DAPK1: variants seen among roughly 807,000 people sequenced by gnomAD.
DAPK1 encodes the protein death associated protein kinase 1.
In DAPK1, 56 loss-of-function variants were observed where a neutral mutation model predicts 144.9. That is an observed-to-expected ratio of 0.39 (90% CI 0.31 to 0.48). The LOEUF (loss-of-function observed/expected upper bound fraction) is 0.48. Ranked by LOEUF, DAPK1 falls within the 20% of genes least tolerant of loss-of-function variation. The pLI, the probability that DAPK1 is intolerant of heterozygous loss-of-function variation, is 0.95. For missense variants in DAPK1, 1,454 were observed against 1,875.4 expected (o/e 0.78, Z 4.15); for synonymous variants, 690 against 749.0 (o/e 0.92, Z 1.29).
intron 2 of DAPK1, among the ~76,000 whole-genome samples, chr9:87,533,871 C>T (rs1160820589): frequency 6.6e-6 from 1 of 152,182 alleles, no homozygotes; most frequent in Non-Finnish European, 1.5e-5. Context: ...CCATGTTGGC[C>T]AGGCTGGTCT....
At chr9:87,679,049 G>A (rs1371805910) in intron 19 of DAPK1, among the ~76,000 whole-genome samples, 1 of 152,092 alleles carries the variant, frequency 6.6e-6, no homozygotes, top group East Asian at 1.9e-4. Flanking sequence ...CGCCTCCCAG[G>A]ATTTAGAACT....
Position 87,686,605 on chromosome 9 carries a change from G to T in DAPK1, c.2279G>T (p.Ser760Ile), listed in dbSNP as rs768913877. The T allele has an allele frequency of 6.2e-7, 1 of 1,603,906 alleles. No individual in the cohort carries two copies. The highest frequency in any genetic ancestry group is 8.5e-7 in the Non-Finnish European group (1 of 1,174,250). ...GGCTGCGAGAACGTGAGTGTGAGGA[G>T]CCGCAGCATGATGTTCGAGCCGGGT... is the stretch of plus-strand genomic sequence containing the variant. Reference protein sequence around the residue: ...YPGCENVSVRSRSMMFEPGLT... With the variant: ...YPGCENVSVRIRSMMFEPGLT... Residue 760 changes from serine to isoleucine, a missense_variant, in exon 21 of 26, where the codon AGC becomes ATC. By Grantham distance (142) the Ser-to-Ile change is moderately radical. This residue lies in a region of DAPK1 where 1,025 missense variants were observed against 1,237.9 expected (regional missense o/e 0.83). Coordinates refer to ENST00000408954, the MANE Select transcript of DAPK1 (RefSeq NM_004938.4). This position sits in a 1 kb window ranked among gnomAD's most constrained non-coding sequence, Gnocchi z 4.2.
chr9:87,649,399 AC>A (rs1401233478), intron 15 of DAPK1, among the ~76,000 whole-genome samples: 1 of 152,142 alleles, frequency 6.6e-6, no homozygotes, highest in Non-Finnish European at 1.5e-5. Context: ...TCTCCTAATT[AC>A]CTTCTTGCCA....
intron 2 of DAPK1, among the ~76,000 whole-genome samples, chr9:87,577,722 C>G (rs995879631): frequency 1.3e-5 from 2 of 151,978 alleles, no homozygotes; most frequent in Non-Finnish European, 2.9e-5. Flanking sequence ...TGCTTGAACC[C>G]GGGAGGCGGA....
intron 2 of DAPK1, among the ~76,000 whole-genome samples, chr9:87,515,630 G>A (rs1217696736): frequency 6.6e-6 from 1 of 152,170 alleles, no homozygotes; most frequent in Non-Finnish European, 1.5e-5. Context: ...ACAAGTGGTG[G>A]ACACTGCAGT....
chr9:87,604,982 C>T lies in DAPK1; in HGVS notation c.91C>T (p.Arg31Cys), dbSNP rs755737290. Residue 31 changes from arginine to cysteine, a missense_variant, in exon 3 of 26, where the codon CGT becomes TGT. By Grantham distance (180) the Arg-to-Cys change is radical. Transcript: ENST00000408954. ...ACAGTTTGCGGTTGTGAAGAAATGC[C>T]GTGAGAAAAGCACCGGCCTCCAGTA... ...SGQFAVVKKC[R>C]EKSTGLQYAA... The T allele has an allele frequency of 1.2e-5, 20 of 1,613,938 alleles. No homozygotes were observed. Among genetic ancestry groups the T allele is most frequent in the African/African-American group, 2.7e-5 (2 of 74,888 alleles).
chr9:87,575,816 C>T (rs1312275124), intron 2 of DAPK1, among the ~76,000 whole-genome samples: 1 of 152,108 alleles, frequency 6.6e-6, no homozygotes, highest in Non-Finnish European at 1.5e-5. Flanking sequence ...GGAATAATTT[C>T]CTTCAACCTA....
intron 24 of DAPK1, among the ~76,000 whole-genome samples, chr9:87,700,721 G>A (rs140344147): frequency 2.6e-5 from 4 of 152,062 alleles, no homozygotes; most frequent in Non-Finnish European, 5.9e-5. Context: ...GGCTGGTCTC[G>A]AACTCCTAGG....
intron 3 of DAPK1, among the ~76,000 whole-genome samples, chr9:87,616,394 C>A (rs527904714): frequency 6.6e-6 from 1 of 152,292 alleles, no homozygotes; most frequent in Non-Finnish European, 1.5e-5. Context: ...GCAGGAAGAA[C>A]AGCAGGATCT....
chr9:87,648,970 C>T, intron 15 of DAPK1, 91 bp downstream of exon 15: 2 of 1,117,524 alleles, frequency 1.8e-6, no homozygotes, highest in Non-Finnish European at 2.7e-6. Context: ...AGAGTTTTAT[C>T]CAAGCTAGGC....
intron 20 of DAPK1, among the ~76,000 whole-genome samples, chr9:87,684,703 C>T (rs1824776435): frequency 6.6e-6 from 1 of 152,048 alleles, no homozygotes; most frequent in Admixed American, 6.5e-5. Context: ...CCTATTCCCG[C>T]GGAGAGGAGC....
chr9:87,645,742 A>AGG (rs1830243046), intron 11 of DAPK1, among the ~76,000 whole-genome samples, 153 bp from the exon 12 acceptor site: 1 of 152,212 alleles, frequency 6.6e-6, no homozygotes. Context: ...ATTCCTTCCT[A>AGG]GGTCCCTCCA....
chr9:87,542,688 G>A (rs766010703), intron 2 of DAPK1, among the ~76,000 whole-genome samples: 5 of 152,206 alleles, frequency 3.3e-5, no homozygotes, highest in Admixed American at 6.5e-5. Context: ...TGAAGAAGCT[G>A]TGGCTGAGTG....
chr9:87,706,886 T>TG lies in DAPK1; in HGVS notation c.3822dup (p.Tyr1275ValfsTer64), dbSNP rs779681511. On this transcript the variant is annotated frameshift_variant, in exon 26 of 26. Coordinates refer to ENST00000408954, the MANE Select transcript of DAPK1 (RefSeq NM_004938.4). LOFTEE classifies it high-confidence loss of function. This position sits in a 1 kb window ranked among gnomAD's most constrained non-coding sequence, Gnocchi z 9.0. ...AAGGAAACCTCACTGACCAACACCATGGGGGGGTACAAGGAAAGCTTCAGC... is the reference window on the plus strand; with the variant it reads ...AAGGAAACCTCACTGACCAACACCATGGGGGGGGTACAAGGAAAGCTTCAGC... 17 of 1,613,502 alleles carry TG rather than the reference T, an allele frequency of 1.1e-5. No homozygotes were observed. Among genetic ancestry groups the TG allele is most frequent in the East Asian group, 2.2e-5 (1 of 44,882 alleles).
At chr9:87,674,326 C>G (rs1824281038) in intron 19 of DAPK1, among the ~76,000 whole-genome samples, 1 of 151,632 alleles carries the variant, frequency 6.6e-6, no homozygotes, top group Admixed American at 6.6e-5. Flanking sequence ...TGGTGAAACC[C>G]CGTCTCTACA....
intron 2 of DAPK1, among the ~76,000 whole-genome samples, chr9:87,571,498 AACACACACACAC>A (rs768913480): frequency 6.5e-5 from 3 of 46,494 alleles, no homozygotes; most frequent in Admixed American, 2.8e-4. Context: ...CACACACCCC[AACACACACACAC>A]ACACACACAC....
chr9:87,702,774 G>A (rs1825498745), intron 24 of DAPK1, among the ~76,000 whole-genome samples: 1 of 152,126 alleles, frequency 6.6e-6, no homozygotes, highest in Admixed American at 6.5e-5. Context: ...ACACAGTGGT[G>A]TGTACTTGTA....
intron 23 of DAPK1, 140 bp from the exon 24 acceptor site, chr9:87,699,977 G>A: frequency 1.5e-6 from 1 of 669,008 alleles, no homozygotes; most frequent in Non-Finnish European, 2.6e-6. Flanking sequence ...CAACAGCAGG[G>A]ATGGGGAGGG....
chr9:87,556,943 A>G (rs1826741157), intron 2 of DAPK1, among the ~76,000 whole-genome samples: 1 of 152,024 alleles, frequency 6.6e-6, no homozygotes, highest in Non-Finnish European at 1.5e-5. Context: ...GTGGGAGAGG[A>G]GCTTCTCTGA....
Sources: allele counts gnomAD v4.1 joint callset (sites outside exome capture counted in the v4.1 genomes callset), GRCh38; gene constraint gnomAD v4.1.1; regional missense constraint gnomAD v4.1.1; non-coding constraint Gnocchi (gnomAD v3.1); transcripts MANE v1.5; gene names NCBI Gene and HGNC (gene_info 2026-07-23, HGNC 2026-07-21).